Variants in NELL2 observed in about 807,000 individuals in gnomAD.
NELL2 encodes the protein neural EGFL like 2, also known as protein kinase C-binding protein NELL2.
A neutral mutation model predicts 109.6 loss-of-function variants in NELL2; 41 were observed. The ratio of observed to expected loss-of-function variants is 0.37; its 90% CI spans 0.29 to 0.49. The LOEUF (loss-of-function observed/expected upper bound fraction) is 0.49, where lower values mean the gene tolerates loss of function less well. Among genes scored for constraint, NELL2 ranks in the 20% least tolerant of loss-of-function variants. The pLI, the probability that NELL2 is intolerant of heterozygous loss-of-function variation, is 0.98. For missense variants in NELL2, 900 were observed against 1,008.3 expected (o/e 0.89, Z 1.45); for synonymous variants, 355 against 344.7 (o/e 1.03, Z -0.33).
intron 12 of NELL2, among the ~76,000 whole-genome samples, chr12:44,675,731 A>C (rs562656845): frequency 6.6e-6 from 1 of 152,226 alleles, no homozygotes; most frequent in South Asian, 2.1e-4. Context: ...AAGAATTTGG[A>C]CTTCATCCTA....
chr12:44,585,277 T>A (rs1482813316), intron 15 of NELL2, among the ~76,000 whole-genome samples: 1 of 152,040 alleles, frequency 6.6e-6, no homozygotes, highest in Admixed American at 6.6e-5. Context: ...TTTGAAATAG[T>A]AAAAGATTGA....
At chr12:44,861,145 A>T (rs1398966202) in intron 2 of NELL2, among the ~76,000 whole-genome samples, 2 of 152,228 alleles carry the variant, frequency 1.3e-5, no homozygotes, top group African/African-American at 4.8e-5. Flanking sequence ...CATACTGAAG[A>T]GAGCAGTAAG....
At chr12:44,883,742 T>C (rs1945441155) in intron 1 of NELL2, among the ~76,000 whole-genome samples, 1 of 152,042 alleles carries the variant, frequency 6.6e-6, no homozygotes, top group Non-Finnish European at 1.5e-5. Context: ...AGTAATAACA[T>C]ATGAACTCTA....
At chr12:44,861,041 C>A (rs1205561726) in intron 2 of NELL2, among the ~76,000 whole-genome samples, 1 of 152,120 alleles carries the variant, frequency 6.6e-6, no homozygotes, top group East Asian at 1.9e-4. Flanking sequence ...TCAATTAGAA[C>A]AACTATCAAC....
intron 2 of NELL2, among the ~76,000 whole-genome samples, chr12:44,852,421 C>T (rs1347825577): frequency 6.6e-6 from 1 of 152,128 alleles, no homozygotes; most frequent in Admixed American, 6.5e-5. Context: ...GCATTTGCAC[C>T]TCTATTCTGT....
chr12:44,528,044 G>A (rs1941870869), intron 16 of NELL2, among the ~76,000 whole-genome samples: 1 of 132,562 alleles, frequency 7.5e-6, no homozygotes, highest in Non-Finnish European at 1.5e-5. Context: ...CTTGCAGTGA[G>A]CCGAGATCGC....
At chr12:44,728,291 A>T (rs1939188310) in intron 9 of NELL2, among the ~76,000 whole-genome samples, 1 of 152,038 alleles carries the variant, frequency 6.6e-6, no homozygotes, top group Non-Finnish European at 1.5e-5. Context: ...ATAGACAGTA[A>T]TTTTTTAAAA....
chr12:44,845,120 AGC>A (rs1944333748), intron 2 of NELL2, among the ~76,000 whole-genome samples: 1 of 152,134 alleles, frequency 6.6e-6, no homozygotes, highest in Non-Finnish European at 1.5e-5. Flanking sequence ...AAAGTATTTG[AGC>A]ACTTGTAACT....
At chr12:44,908,392 G>A (rs1488121121) in intron 1 of NELL2, among the ~76,000 whole-genome samples, 2 of 151,830 alleles carry the variant, frequency 1.3e-5, no homozygotes, top group Non-Finnish European at 2.9e-5. Context: ...AGATTGTTGA[G>A]TAAAGTGTAT....
intron 9 of NELL2, among the ~76,000 whole-genome samples, chr12:44,751,444 TA>T (rs1196477528): frequency 6.6e-6 from 1 of 152,210 alleles, no homozygotes; most frequent in Non-Finnish European, 1.5e-5. Context: ...TCTTCCTTCT[TA>T]AAATATTCAT....
intron 12 of NELL2, among the ~76,000 whole-genome samples, chr12:44,674,798 A>C (rs1463346456): frequency 6.6e-6 from 1 of 152,200 alleles, no homozygotes; most frequent in East Asian, 1.9e-4. Flanking sequence ...TCCGAGTCTT[A>C]AGTGGTTACT....
At chr12:44,519,981 C>T in intron 19 of NELL2, 24 bp downstream of exon 19, 1 of 1,603,432 alleles carries the variant, frequency 6.2e-7, no homozygotes, top group Non-Finnish European at 8.5e-7. Context: ...AAAGTGCTCA[C>T]TATTTAAATT....
intron 15 of NELL2, among the ~76,000 whole-genome samples, chr12:44,551,369 T>C (rs1592105384): frequency 6.6e-6 from 1 of 152,206 alleles, no homozygotes; most frequent in Admixed American, 6.5e-5. Context: ...ATATAATATA[T>C]ATGTCATGTG....
At chr12:44,782,390 T>C (rs1310850962) in intron 3 of NELL2, among the ~76,000 whole-genome samples, 1 of 151,836 alleles carries the variant, frequency 6.6e-6, no homozygotes, top group Non-Finnish European at 1.5e-5. Flanking sequence ...AGTGGCAGAC[T>C]TAAACTCAAG....
At chr12:44,841,092 T>G (rs10785540) in intron 2 of NELL2, among the ~76,000 whole-genome samples, 1 of 152,086 alleles carries the variant, frequency 6.6e-6, no homozygotes. Context: ...CTCAGTAGAC[T>G]GATGCACACC....
At chr12:44,896,999 G>A (rs147011250) in intron 1 of NELL2, among the ~76,000 whole-genome samples, 163 of 152,292 alleles carry the variant, frequency 1.1e-3, no homozygotes, top group African/African-American at 3.6e-3. Context: ...TTTAAAATGT[G>A]TGTTAGCCTT....
At chr12:44,640,606 T>A (rs1369185094) in intron 13 of NELL2, among the ~76,000 whole-genome samples, 1 of 152,202 alleles carries the variant, frequency 6.6e-6, no homozygotes, top group Non-Finnish European at 1.5e-5. Flanking sequence ...TCAGTTGCTA[T>A]TTTTGGAACA....
chr12:44,612,993 T>C (rs2136256005), intron 13 of NELL2, among the ~76,000 whole-genome samples: 1 of 152,162 alleles, frequency 6.6e-6, no homozygotes, highest in Middle Eastern at 3.4e-3. Flanking sequence ...AGTGGGCTCC[T>C]AGGCAATTCA....
intron 15 of NELL2, among the ~76,000 whole-genome samples, chr12:44,537,245 T>C (rs1243559188): frequency 6.6e-6 from 1 of 152,090 alleles, no homozygotes; most frequent in Admixed American, 6.6e-5. Flanking sequence ...TAAAATTAAC[T>C]GCAGTTGTAG....
Sources: gnomAD v4.1 joint callset for allele counts (sites outside exome capture counted in the v4.1 genomes callset) on GRCh38, gnomAD v4.1.1 for gene constraint, MANE v1.5 for transcripts, NCBI Gene and HGNC (gene_info 2026-07-23, HGNC 2026-07-21) for gene names.